Variants in SHPRH observed in about 807,000 individuals in gnomAD.
SHPRH encodes SNF2 histone linker PHD RING helicase, also known as E3 ubiquitin-protein ligase SHPRH.
Under a neutral mutation model 202.5 loss-of-function variants are expected in SHPRH, and 106 were observed. That is an observed-to-expected ratio of 0.52 (90% confidence interval 0.45 to 0.62). SHPRH has a LOEUF of 0.62. Ranked by LOEUF, SHPRH falls within the 20% of genes least tolerant of loss-of-function variation. SHPRH has a pLI of 0.00. For missense variants in SHPRH, 1,710 were observed against 2,020.0 expected, an observed-to-expected ratio of 0.85 and a Z score of 2.94; for synonymous variants, 729 against 686.0, an observed-to-expected ratio of 1.06 and a Z score of -0.98.
At chr6:145,877,315 A>G (rs1650651515) in intron 2 of SHPRH, among the ~76,000 whole-genome samples, 1 of 152,220 alleles carries the variant, frequency 6.6e-6, no homozygotes, top group Admixed American at 6.5e-5. Context: ...TATCCTTAAC[A>G]AAACTTGTTA....
chr6:145,927,405 G>T, intron 14 of SHPRH, 128 bp from the exon 15 acceptor site: 8 of 835,358 alleles, frequency 9.6e-6, no homozygotes, highest in Middle Eastern at 2.8e-4. Context: ...TTTAAGTAAA[G>T]AAATTTGACT....
At chr6:145,874,615 T>C (rs926338730) in intron 2 of SHPRH, among the ~76,000 whole-genome samples, 1 of 152,214 alleles carries the variant, frequency 6.6e-6, no homozygotes, top group African/African-American at 2.4e-5. Context: ...CTCATAGTTA[T>C]CCATTTAGCA....
rs1019279410 is a variant in SHPRH at position 145,947,652 on chromosome 6, A to G, written c.1062-9T>C. 2.5e-6 allele frequency: 4 copies of G among 1,611,590 alleles called. No individual in the cohort carries two copies. Among genetic ancestry groups the G allele is most frequent in the Admixed American group, 1.7e-5 (1 of 59,702 alleles). On this transcript the variant is annotated splice_polypyrimidine_tract_variant and intron_variant, in intron 5 of 29. Transcript: ENST00000275233. ...GGTACTCACGAATGATGCTGAGGAA[A>G]AAAACAAGATAAATCACATCATAGG...
At chr6:145,953,998 CA>C (rs1269704302) in intron 2 of SHPRH, among the ~76,000 whole-genome samples, 5,017 of 136,334 alleles carry the variant, frequency 0.037, 276 homozygotes, top group African/African-American at 0.12. Context: ...CCGCCAAGGC[CA>C]AAAAAAAAAA....
rs182644629 is a variant in SHPRH at position 145,893,312 on chromosome 6, T to C, written c.4777A>G (p.Ile1593Val). Residue 1593 changes from isoleucine to valine, a missense_variant, in exon 28 of 30, where the codon ATC becomes GTC. By Grantham distance (29) the Ile-to-Val change is conservative. Around this residue, in one of 8 missense-constraint regions of SHPRH, gnomAD observed 306 missense variants for 479.5 expected, o/e 0.64. Transcript: ENST00000275233. The stretch of plus-strand genomic sequence containing the variant: ...AAGAGAACATGAGTTGCTTCAATGA[T>C]AGTTAATCCATTAGAACCTGTGTGC... ...PLHTGSNGLT[I>V]IEATHVLLVE... 2.5e-6 allele frequency: 4 copies of C among 1,606,210 alleles called. No individual in the cohort carries two copies. The highest frequency in any genetic ancestry group is 1.7e-5 in the Admixed American group (1 of 58,788).
intron 11 of SHPRH, among the ~76,000 whole-genome samples, chr6:145,939,147 T>C (rs1786452662): frequency 6.6e-6 from 1 of 152,120 alleles, no homozygotes; most frequent in East Asian, 1.9e-4. Context: ...CAGGCTAACA[T>C]TCCTAGTGTG....
At chr6:145,923,035 C>G (rs543138754) in intron 18 of SHPRH, among the ~76,000 whole-genome samples, 199 bp from the exon 19 acceptor site, 1 of 149,754 alleles carries the variant, frequency 6.7e-6, no homozygotes, top group African/African-American at 2.5e-5. Flanking sequence ...GTAAAAGATA[C>G]CAAAAAAATT....
downstream of SHPRH, among the ~76,000 whole-genome samples, chr6:145,862,133 T>G (rs1174997294): frequency 1.3e-5 from 2 of 152,062 alleles, no homozygotes; most frequent in Non-Finnish European, 2.9e-5. Context: ...TATTTTAAAA[T>G]TTGCTAAGAT....
At chr6:145,888,355 G>A (rs767476419) in intron 28 of SHPRH, among the ~76,000 whole-genome samples, 7 of 152,066 alleles carry the variant, frequency 4.6e-5, no homozygotes, top group Non-Finnish European at 1.0e-4. Context: ...AGGCTGACAT[G>A]CAAACTGAAA....
In SHPRH at chr6:145,933,056, C is replaced by A; in HGVS notation, c.3112+1G>T. On this transcript the variant is annotated splice_donor_variant, in intron 14 of 29. Coordinates refer to ENST00000275233, the MANE Select transcript of SHPRH (RefSeq NM_001042683.3). LOFTEE classifies it high-confidence loss of function. ...TCAGAGATAAAGCAATCACCTTCTA[C>A]CTTTAATAATATGAATGCCTGCTAA... The A allele has an allele frequency of 6.2e-7, 1 of 1,613,370 alleles. No homozygotes were observed.
downstream of SHPRH, among the ~76,000 whole-genome samples, chr6:145,863,806 G>T (rs1433545627): frequency 2.0e-5 from 3 of 152,202 alleles, no homozygotes; most frequent in Non-Finnish European, 4.4e-5. Flanking sequence ...TCTTCTGGCG[G>T]CTGCTTCCTA....
downstream of SHPRH, among the ~76,000 whole-genome samples, chr6:145,881,890 AC>A (rs1388777649): frequency 6.6e-6 from 1 of 151,980 alleles, no homozygotes; most frequent in Non-Finnish European, 1.5e-5. Flanking sequence ...GATCGCTTGA[AC>A]CCAGGAGTTC....
At chr6:145,910,662 A>G (rs1240238212) in intron 24 of SHPRH, 26 bp from the exon 25 acceptor site, 1 of 1,524,458 alleles carries the variant, frequency 6.6e-7, no homozygotes, top group Non-Finnish European at 8.9e-7. Flanking sequence ...AACAAGCCTT[A>G]GTGCTATCAA....
chr6:145,884,065 C>T (rs1027019370), downstream of SHPRH: 1 of 152,154 alleles, frequency 6.6e-6, no homozygotes, highest in African/African-American at 2.4e-5. Context: ...TTACTTTATC[C>T]ACCTGACAGG....
At chr6:145,906,668 T>C (rs967072958) in intron 25 of SHPRH, 1 of 152,116 alleles carries the variant, frequency 6.6e-6, no homozygotes, top group Admixed American at 6.6e-5. Flanking sequence ...TCTTTCTGTT[T>C]TCATAGGTTC....
At chr6:145,917,743 T>C (rs1252230688) in intron 23 of SHPRH, 1 of 155,734 alleles carries the variant, frequency 6.4e-6, no homozygotes, top group Non-Finnish European at 1.4e-5. Flanking sequence ...TCTGATTTAG[T>C]AGCTTTCGAA....
chr6:145,943,286 T>C lies in SHPRH; in HGVS notation c.2095A>G (p.Lys699Glu). Residue 699 changes from lysine (K) to glutamate (E), a missense_variant, in exon 9 of 30, where the codon AAG becomes GAG. By Grantham distance (56) the Lys-to-Glu change is moderately conservative (BLOSUM62 1). Around this residue, in one of 8 missense-constraint regions of SHPRH, gnomAD observed 277 missense variants for 363.0 expected, o/e 0.76. Transcript: ENST00000275233. ...AGGCAGTGGGGGCAGTAAAAAGGCTTGATCTTCAGATTTTTCTCATCATAA... is the reference window on the plus strand; with the variant it reads ...AGGCAGTGGGGGCAGTAAAAAGGCTCGATCTTCAGATTTTTCTCATCATAA... ...VNYDEKNLKIKPFYCPHCLVA... is the reference protein window; with the variant it reads ...VNYDEKNLKIEPFYCPHCLVA... 1 of 1,613,764 alleles carries C rather than the reference T, an allele frequency of 6.2e-7. No individual in the cohort carries two copies. Among genetic ancestry groups the C allele is most frequent in the Non-Finnish European group, 8.5e-7 (1 of 1,179,896 alleles).
At chr6:145,861,692 C>T (rs959195072), downstream of SHPRH, among the ~76,000 whole-genome samples, 6 of 152,120 alleles carry the variant, frequency 3.9e-5, no homozygotes, top group Admixed American at 3.3e-4. Context: ...ATGGAAACAA[C>T]CTGTGTTCAT....
At chr6:145,933,201 C>T (rs1785658033) in intron 13 of SHPRH, 23 bp from the exon 14 acceptor site, 1 of 1,613,436 alleles carries the variant, frequency 6.2e-7, no homozygotes, top group Admixed American at 1.7e-5. Context: ...GTAGACTGTT[C>T]AAAACTAGAA....
Sources: gnomAD v4.1 joint callset for allele counts (sites outside exome capture counted in the v4.1 genomes callset) on GRCh38, gnomAD v4.1.1 for gene constraint, gnomAD v4.1.1 regional missense constraint, MANE v1.5 for transcripts, NCBI Gene and HGNC (gene_info 2026-07-23, HGNC 2026-07-21) for gene names.